SWT1: variants seen among roughly 807,000 people sequenced by gnomAD.
The protein encoded by SWT1 is SWT1 RNA endoribonuclease homolog.
In SWT1, 33 loss-of-function variants were observed where a neutral mutation model predicts 107.3. That is an observed-to-expected ratio of 0.31 (90% CI 0.23 to 0.41). The LOEUF is 0.41. Ranked by LOEUF, SWT1 falls within the 10% of genes least tolerant of loss-of-function variation. The probability of loss-of-function intolerance (pLI) is 1.00; values close to 1 mark genes in which losing one functional copy is unlikely to be tolerated. For synonymous variants in SWT1, 345 were observed against 348.3 expected, an observed-to-expected ratio of 0.99 and a Z score of 0.11; for missense variants, 898 against 1,028.9, an observed-to-expected ratio of 0.87 and a Z score of 1.74.
At chr1:185,181,825 T>G in intron 6 of SWT1, 121 bp from the exon 7 acceptor site, 3 of 978,166 alleles carry the variant, frequency 3.1e-6, no homozygotes, top group Non-Finnish European at 4.4e-6. Context: ...CTTCAGAGTT[T>G]TATAAAATTT....
chr1:185,206,124 A>T (rs1300704878), intron 12 of SWT1, among the ~76,000 whole-genome samples: 1 of 152,046 alleles, frequency 6.6e-6, no homozygotes, highest in African/African-American at 2.4e-5. Context: ...AGGCCCAGCT[A>T]ATTTTTGCAT....
intron 10 of SWT1, among the ~76,000 whole-genome samples, chr1:185,193,378 G>A (rs1234726386): frequency 6.6e-6 from 1 of 151,850 alleles, no homozygotes; most frequent in East Asian, 1.9e-4. Context: ...GCCCTTATGG[G>A]TGGAGTATTC....
At chr1:185,206,883 A>G (rs2146328) in intron 13 of SWT1, 120 bp downstream of exon 13, 257,032 of 676,032 alleles carry the variant, frequency 0.38, 51,833 homozygotes, top group African/African-American at 0.65. Context: ...AATCATTTAT[A>G]CTTCTAATTT....
chr1:185,175,997 A>T (rs1308155843), intron 5 of SWT1, among the ~76,000 whole-genome samples: 4 of 152,194 alleles, frequency 2.6e-5, no homozygotes, highest in Non-Finnish European at 5.9e-5. Flanking sequence ...TTAGAAAGGT[A>T]TACTGGAGGG....
chr1:185,234,617 G>T (rs1406233224), intron 16 of SWT1, among the ~76,000 whole-genome samples: 1 of 152,032 alleles, frequency 6.6e-6, no homozygotes, highest in Non-Finnish European at 1.5e-5. Flanking sequence ...TACATTTAAG[G>T]TTAATATTGT....
chr1:185,251,577 T>C (rs948463576), intron 16 of SWT1, among the ~76,000 whole-genome samples: 1 of 152,170 alleles, frequency 6.6e-6, no homozygotes, highest in Non-Finnish European at 1.5e-5. Flanking sequence ...GTTATCTCTT[T>C]CTGATGAATT....
intron 18 of SWT1, among the ~76,000 whole-genome samples, chr1:185,289,797 A>T (rs576966201): frequency 6.6e-6 from 1 of 152,312 alleles, no homozygotes; most frequent in Non-Finnish European, 1.5e-5. Context: ...AATCTAAAAA[A>T]GTATGAGTAG....
chr1:185,165,800 G>A (rs549154808), intron 2 of SWT1, among the ~76,000 whole-genome samples: 2 of 152,340 alleles, frequency 1.3e-5, no homozygotes, highest in South Asian at 4.1e-4. Context: ...AGCCAGGCAT[G>A]TTTCTGCCTC....
intron 10 of SWT1, among the ~76,000 whole-genome samples, chr1:185,201,964 A>G (rs1020682955): frequency 6.6e-6 from 1 of 151,508 alleles, no homozygotes; most frequent in African/African-American, 2.4e-5. Flanking sequence ...TTTGGTTTAG[A>G]TTTTATAATT....
At chr1:185,232,190 A>C (rs1484022341) in intron 16 of SWT1, among the ~76,000 whole-genome samples, 1 of 152,164 alleles carries the variant, frequency 6.6e-6, no homozygotes, top group Non-Finnish European at 1.5e-5. Flanking sequence ...TGCCACCCTT[A>C]AGTTATTAAT....
At chr1:185,201,275 G>A (rs1657854563) in intron 10 of SWT1, among the ~76,000 whole-genome samples, 1 of 152,112 alleles carries the variant, frequency 6.6e-6, no homozygotes. Flanking sequence ...CTGTCTCGCT[G>A]GTGTTCAGGC....
At chr1:185,280,961 G>T in intron 18 of SWT1, 1 of 474,540 alleles carries the variant, frequency 2.1e-6, no homozygotes, top group East Asian at 5.9e-5. Flanking sequence ...TGTGCTATTG[G>T]GGTCATGGCA....
At chr1:185,247,450 T>TAG (rs1469983508) in intron 16 of SWT1, among the ~76,000 whole-genome samples, 3 of 152,232 alleles carry the variant, frequency 2.0e-5, no homozygotes, top group Non-Finnish European at 2.9e-5. Flanking sequence ...AGGCTTTCTC[T>TAG]AGACTTATAT....
intron 16 of SWT1, among the ~76,000 whole-genome samples, chr1:185,255,779 C>T (rs1414463101): frequency 7.6e-4 from 114 of 150,790 alleles, no homozygotes; most frequent in African/African-American, 2.7e-3. Context: ...AGTCCATTTA[C>T]GTTTAAAGTT....
chr1:185,269,990 T>C (rs1242678365), intron 16 of SWT1, among the ~76,000 whole-genome samples: 3 of 152,218 alleles, frequency 2.0e-5, no homozygotes, highest in Non-Finnish European at 4.4e-5. Flanking sequence ...AGCATCTTTA[T>C]TAGATGATGA....
At chr1:185,280,630 C>A (rs1456883937) in intron 18 of SWT1, among the ~76,000 whole-genome samples, 3 of 152,150 alleles carry the variant, frequency 2.0e-5, no homozygotes, top group Non-Finnish European at 4.4e-5. Context: ...CAGCTCTACC[C>A]CCTATCCTCT....
At chr1:185,246,671 C>T (rs1661635191) in intron 16 of SWT1, among the ~76,000 whole-genome samples, 1 of 138,918 alleles carries the variant, frequency 7.2e-6, no homozygotes, top group Non-Finnish European at 1.5e-5. Context: ...ACTTTGTCAT[C>T]CAGGCTACGG....
At chr1:185,209,386 C>T (rs924300479) in intron 13 of SWT1, among the ~76,000 whole-genome samples, 4 of 152,126 alleles carry the variant, frequency 2.6e-5, no homozygotes, top group Non-Finnish European at 5.9e-5. Flanking sequence ...TCCCCCACCC[C>T]CTGACAGGCC....
At chr1:185,179,978 G>T (rs2102368262) in intron 5 of SWT1, among the ~76,000 whole-genome samples, 1 of 152,268 alleles carries the variant, frequency 6.6e-6, no homozygotes, top group South Asian at 2.1e-4. Context: ...TTGAACTCAG[G>T]ATTTCGAGAC....
Sources: allele counts gnomAD v4.1 joint callset (sites outside exome capture counted in the v4.1 genomes callset), GRCh38; gene constraint gnomAD v4.1.1; transcripts MANE v1.5; gene names NCBI Gene and HGNC (gene_info 2026-07-23, HGNC 2026-07-21).